PXYLP1: variants seen among roughly 807,000 people sequenced by gnomAD.
PXYLP1 encodes acid phosphatase-like 2.
A neutral mutation model predicts 37.9 loss-of-function variants in PXYLP1; 17 were observed. The observed-to-expected ratio is 0.45, with a 90% CI of 0.31 to 0.67. The LOEUF (loss-of-function observed/expected upper bound fraction) is 0.67. PXYLP1 is among the 30% of genes least tolerant of loss of function. PXYLP1 has a pLI of 0.07. For synonymous variants in PXYLP1, 221 were observed against 232.2 expected (o/e 0.95, Z 0.44); for missense variants, 511 against 612.0 (o/e 0.84, Z 1.74).
chr3:141,278,314 C>A, intron 2 of PXYLP1, 28 bp from the exon 3 acceptor site: 1 of 1,613,012 alleles, frequency 6.2e-7, no homozygotes. Flanking sequence ...AGGAACTGTG[C>A]GTCACAACCT....
chr3:141,247,897 T>A (rs1576578341), intron 1 of PXYLP1, among the ~76,000 whole-genome samples: 2 of 152,186 alleles, frequency 1.3e-5, no homozygotes, highest in South Asian at 4.1e-4. Flanking sequence ...TTCTCAAAAT[T>A]ACTTGTGTCA....
At chr3:141,262,280 G>T in intron 2 of PXYLP1, 1 of 993,872 alleles carries the variant, frequency 1.0e-6, no homozygotes, top group Non-Finnish European at 1.2e-6. Context: ...GGCATCAGAA[G>T]TTTAAAAATA....
intron 5 of PXYLP1, among the ~76,000 whole-genome samples, chr3:141,288,249 C>T (rs1163330058): frequency 6.6e-6 from 1 of 152,216 alleles, no homozygotes; most frequent in Non-Finnish European, 1.5e-5. Flanking sequence ...TGCCTGGTCA[C>T]CAGCCTTTAT....
intron 2 of PXYLP1, chr3:141,274,322 C>T (rs1161555522): frequency 1.1e-5 from 15 of 1,384,740 alleles, no homozygotes; most frequent in South Asian, 1.6e-5. Context: ...GCCTGCACAT[C>T]GACCCTGGTG....
At chr3:141,246,132 G>A (rs1576577330) in intron 1 of PXYLP1, among the ~76,000 whole-genome samples, 1 of 152,128 alleles carries the variant, frequency 6.6e-6, no homozygotes, top group Admixed American at 6.5e-5. Context: ...CTTGGTGGGG[G>A]GTAGGCTAGC....
intron 2 of PXYLP1, among the ~76,000 whole-genome samples, chr3:141,270,018 C>T (rs1043055373): frequency 2.6e-5 from 4 of 152,218 alleles, no homozygotes; most frequent in Non-Finnish European, 5.9e-5. Flanking sequence ...AGGAAAGGGT[C>T]AAGGAGGGAG....
At chr3:141,260,558 C>T (rs147894242) in intron 2 of PXYLP1, among the ~76,000 whole-genome samples, 2,431 of 152,298 alleles carry the variant, frequency 0.016, 32 homozygotes, top group Non-Finnish European at 0.025. Context: ...CCACACAGAG[C>T]AGAGGTGTTT....
At chr3:141,287,555 G>T in intron 5 of PXYLP1, 102 bp downstream of exon 5, 1 of 1,358,552 alleles carries the variant, frequency 7.4e-7, no homozygotes, top group Admixed American at 2.5e-5. Context: ...AGCTCAGAGG[G>T]GGTAAGCAAG....
In PXYLP1 at chr3:141,292,191, C is replaced by T; in HGVS notation, c.506-77C>T. 1 of 1,398,324 alleles carries T rather than the reference C, an allele frequency of 7.2e-7. No homozygotes were observed. Among genetic ancestry groups the T allele is most frequent in the South Asian group, 1.4e-5 (1 of 72,754 alleles). 86.6% of individuals were successfully genotyped at this position (1,398,324 alleles called of 1,614,324 possible). Reference sequence around the variant, plus strand: ...CTTGCCCTAAAACACTCCAGAGCCACACGCTGACTCCACCTCCCCTTGCTG... The same window carrying T: ...CTTGCCCTAAAACACTCCAGAGCCATACGCTGACTCCACCTCCCCTTGCTG... On this transcript the variant is annotated intron_variant, in intron 5 of 5. Transcript: ENST00000286353. The surrounding 1 kb of genome is among the most constrained non-coding windows in gnomAD (Gnocchi z 4.3).
At chr3:141,239,644 G>A (rs1462464352) in intron 1 of PXYLP1, among the ~76,000 whole-genome samples, 1 of 152,196 alleles carries the variant, frequency 6.6e-6, no homozygotes, top group African/African-American at 2.4e-5. Flanking sequence ...TGAGGATCCC[G>A]AGTTCTTTTT....
chr3:141,287,662 A>G (rs193128603), intron 5 of PXYLP1, among the ~76,000 whole-genome samples: 1 of 152,310 alleles, frequency 6.6e-6, no homozygotes, highest in East Asian at 1.9e-4. Context: ...CAAAAACAAT[A>G]CGTGTTCATG....
intron 1 of PXYLP1, among the ~76,000 whole-genome samples, chr3:141,244,001 C>T (rs56135485): frequency 0.22 from 33,166 of 151,982 alleles, 5,005 homozygotes; most frequent in African/African-American, 0.43. Flanking sequence ...GAAATATATG[C>T]GAGCAAATAA....
intron 2 of PXYLP1, 58 bp downstream of exon 2, chr3:141,260,312 G>T: frequency 6.3e-7 from 1 of 1,577,490 alleles, no homozygotes; most frequent in Non-Finnish European, 8.6e-7. Flanking sequence ...AGGAAACAAG[G>T]AGGCCCCAAA....
At chr3:141,237,329 A>T (rs1464977395) in intron 1 of PXYLP1, among the ~76,000 whole-genome samples, 1 of 152,248 alleles carries the variant, frequency 6.6e-6, no homozygotes, top group African/African-American at 2.4e-5. Context: ...CAAGGTTTGT[A>T]GATGTCAGAG....
intron 1 of PXYLP1, among the ~76,000 whole-genome samples, chr3:141,257,239 C>T (rs1400440266): frequency 1.3e-5 from 2 of 152,200 alleles, no homozygotes; most frequent in East Asian, 3.8e-4. Flanking sequence ...TCAAGGGAGC[C>T]TCAGCAGGGA....
intron 2 of PXYLP1, among the ~76,000 whole-genome samples, chr3:141,269,301 G>A (rs978008632): frequency 2.6e-5 from 4 of 152,182 alleles, no homozygotes; most frequent in African/African-American, 4.8e-5. Context: ...CATTCCCACC[G>A]GAGCAGGGAC....
intron 2 of PXYLP1, among the ~76,000 whole-genome samples, chr3:141,274,888 G>T (rs1941755834): frequency 6.6e-6 from 1 of 152,144 alleles, no homozygotes; most frequent in Admixed American, 6.5e-5. Flanking sequence ...GGGAGCAGAG[G>T]GTGAGAGTAG....
chr3:141,261,208 A>G (rs913791153), intron 2 of PXYLP1, among the ~76,000 whole-genome samples: 2 of 152,066 alleles, frequency 1.3e-5, no homozygotes, highest in Non-Finnish European at 2.9e-5. Flanking sequence ...GTGCAGTAGC[A>G]CGATCACAGC....
rs1559896826 is a variant in PXYLP1, at chr3:141,287,181, GTGAT to G, written c.366-129_366-126del. 13 of 902,860 alleles carry G rather than the reference GTGAT, an allele frequency of 1.4e-5. No individual in the cohort carries two copies. The Middle Eastern group carries it at 6.8e-4, about 47-fold the overall frequency. The allele number at this position is 902,860 out of a possible 1,614,324, so 55.9% of individuals were successfully genotyped here. A position where few individuals can be genotyped will look rare whatever the true frequency, so the allele number is the denominator to read the frequency against. The stretch of plus-strand genomic sequence containing the variant: ...GAAATAATGAAATTGGAACTGAAAA[GTGAT>G]TGAGCCGGTACCTGTTACTGTGGGT... On this transcript the variant is annotated intron_variant, in intron 4 of 5. Coordinates refer to ENST00000286353, the MANE Select transcript of PXYLP1 (RefSeq NM_001037172.3).
Sources: gnomAD v4.1 joint callset for allele counts (sites outside exome capture counted in the v4.1 genomes callset) on GRCh38, gnomAD v4.1.1 for gene constraint, Gnocchi (gnomAD v3.1) non-coding constraint, MANE v1.5 for transcripts, NCBI Gene and HGNC (gene_info 2026-07-23, HGNC 2026-07-21) for gene names.